MTDH: variants seen among roughly 807,000 people sequenced by gnomAD.
MTDH encodes the protein metadherin.
MTDH carries 34 observed loss-of-function variants against 72.7 expected under a neutral mutation model. The observed-to-expected ratio is 0.47, with a 90% confidence interval of 0.36 to 0.62. The LOEUF is 0.62. Among genes scored for constraint, MTDH ranks in the 20% least tolerant of loss-of-function variants. The pLI is 0.00. For missense variants in MTDH, 677 were observed against 699.4 expected, an observed-to-expected ratio of 0.97 and a Z score of 0.36; for synonymous variants, 266 against 268.9, an observed-to-expected ratio of 0.99 and a Z score of 0.10.
chr8:97,678,559 TTCTCTC>T (rs779930097), intron 2 of MTDH, among the ~76,000 whole-genome samples: 1 of 151,756 alleles, frequency 6.6e-6, no homozygotes, highest in Non-Finnish European at 1.5e-5. Context: ...TTCTCCCTCT[TTCTCTC>T]TCTGTTTCCT....
At chr8:97,657,121 A>G (rs1812009279) in intron 1 of MTDH, among the ~76,000 whole-genome samples, 1 of 152,200 alleles carries the variant, frequency 6.6e-6, no homozygotes, top group South Asian at 2.1e-4. Flanking sequence ...CCCTGCCAGC[A>G]CATACATACA....
At chr8:97,687,362 C>T in intron 3 of MTDH, 67 bp from the exon 4 acceptor site, 2 of 1,395,718 alleles carry the variant, frequency 1.4e-6, no homozygotes, top group Non-Finnish European at 1.9e-6. Flanking sequence ...CCCATATTCT[C>T]CCCCAAAACT....
intron 7 of MTDH, among the ~76,000 whole-genome samples, chr8:97,705,867 G>T (rs1258068577): frequency 2.6e-5 from 4 of 152,214 alleles, no homozygotes; most frequent in African/African-American, 9.6e-5. Context: ...TAAAGGCAAA[G>T]ACTGGTTTCT....
At chr8:97,678,451 T>G (rs182782851) in intron 2 of MTDH, among the ~76,000 whole-genome samples, 131 of 152,312 alleles carry the variant, frequency 8.6e-4, no homozygotes, top group African/African-American at 2.9e-3. Flanking sequence ...TCTTTTATGA[T>G]GCAAAGATTT....
At chr8:97,684,970 G>A (rs1332809067) in intron 2 of MTDH, among the ~76,000 whole-genome samples, 1 of 152,196 alleles carries the variant, frequency 6.6e-6, no homozygotes, top group Non-Finnish European at 1.5e-5. Context: ...GGAGGCTGAG[G>A]CCGGAGAATT....
At chr8:97,690,349 A>T (rs971375528) in intron 5 of MTDH, among the ~76,000 whole-genome samples, 2 of 152,136 alleles carry the variant, frequency 1.3e-5, no homozygotes, top group African/African-American at 4.8e-5. Context: ...CATGCCCATG[A>T]TTCTCAACCC....
At chr8:97,657,774 G>A (rs1275098233) in intron 1 of MTDH, among the ~76,000 whole-genome samples, 1 of 152,132 alleles carries the variant, frequency 6.6e-6, no homozygotes, top group Admixed American at 6.6e-5. Flanking sequence ...CTCCCAAAGT[G>A]CTGGAATTAC....
In MTDH at chr8:97,644,549, G is replaced by A; in HGVS notation, c.43G>A (p.Glu15Lys). The change falls in exon 1 of 12, where the codon GAG becomes AAG. Residue 15 changes from glutamate to lysine, a missense_variant. Physicochemically the swap from Glu to Lys is moderately conservative, Grantham distance 56 (BLOSUM62 1). Around this residue, in one of 3 missense-constraint regions of MTDH, gnomAD observed 467 missense variants for 469.1 expected, o/e 1.00. Transcript: ENST00000336273. ...SWQDELAQQA[E>K]EGSARLREML... Reference sequence around the variant, plus strand: ...GCAGGACGAGCTGGCCCAGCAGGCCGAGGAGGGCTCGGCCCGGCTGCGGGA... The same window carrying A: ...GCAGGACGAGCTGGCCCAGCAGGCCAAGGAGGGCTCGGCCCGGCTGCGGGA... 1 of 1,601,450 alleles carries A rather than the reference G, an allele frequency of 6.2e-7. No individual in the cohort carries two copies. Among genetic ancestry groups the A allele is most frequent in the South Asian group, 1.1e-5 (1 of 89,808 alleles).
chr8:97,692,025 A>G (rs888864742), intron 6 of MTDH, among the ~76,000 whole-genome samples: 1 of 152,052 alleles, frequency 6.6e-6, no homozygotes, highest in Non-Finnish European at 1.5e-5. Flanking sequence ...GATTATAGAC[A>G]TGGCATCACC....
At chr8:97,711,079 G>A (rs960834963) in intron 8 of MTDH, among the ~76,000 whole-genome samples, 5 of 152,104 alleles carry the variant, frequency 3.3e-5, no homozygotes, top group African/African-American at 1.2e-4. Flanking sequence ...TAACATAACA[G>A]TGCTAACTTG....
intron 2 of MTDH, among the ~76,000 whole-genome samples, chr8:97,670,081 G>A (rs1322892896): frequency 6.6e-6 from 1 of 152,118 alleles, no homozygotes. Flanking sequence ...TTAGGAGGCT[G>A]AGACATGTGG....
chr8:97,670,882 G>A (rs1433127973), intron 2 of MTDH, among the ~76,000 whole-genome samples: 4 of 151,296 alleles, frequency 2.6e-5, no homozygotes, highest in Admixed American at 6.6e-5. Context: ...TCAGCCCCCC[G>A]AGTAACTGGG....
intron 8 of MTDH, among the ~76,000 whole-genome samples, chr8:97,712,153 T>TC (rs1814664864): frequency 6.6e-6 from 1 of 152,224 alleles, no homozygotes; most frequent in East Asian, 1.9e-4. Flanking sequence ...TTCTCCCATC[T>TC]CAGCCTCCTG....
chr8:97,644,248 G>A lies in MTDH; in HGVS notation c.-259G>A, dbSNP rs1811463234. ...GGCGCTGGCGCCGAGACGCCGCTTAGCGGCCGCCACTGGAGACACTCCCTC... is the reference window on the plus strand; with the variant it reads ...GGCGCTGGCGCCGAGACGCCGCTTAACGGCCGCCACTGGAGACACTCCCTC... On this transcript the variant is annotated 5_prime_UTR_variant, in exon 1 of 12. Coordinates refer to ENST00000336273, the MANE Select transcript of MTDH (RefSeq NM_178812.4). The A allele has an allele frequency of 4.0e-6, 2 of 498,038 alleles. No homozygotes were observed. The highest frequency in any genetic ancestry group is 3.1e-5 in the South Asian group (1 of 32,744). The allele number at this position is 498,038 out of a possible 1,614,324, so 30.9% of individuals were successfully genotyped here.
chr8:97,672,702 A>G (rs1018232896), intron 2 of MTDH, among the ~76,000 whole-genome samples: 3 of 152,274 alleles, frequency 2.0e-5, no homozygotes, highest in South Asian at 2.1e-4. Context: ...TGAAATGGCA[A>G]ATTTGGTTTT....
At chr8:97,682,784 C>T (rs1016697275) in intron 2 of MTDH, among the ~76,000 whole-genome samples, 3 of 151,534 alleles carry the variant, frequency 2.0e-5, no homozygotes, top group Non-Finnish European at 2.9e-5. Context: ...ACTACTTTGT[C>T]GTTAACAGAC....
At chr8:97,667,884 T>C (rs953931296) in intron 2 of MTDH, among the ~76,000 whole-genome samples, 1 of 149,586 alleles carries the variant, frequency 6.7e-6, no homozygotes, top group African/African-American at 2.5e-5. Context: ...TCTGCTACCA[T>C]GAGCTTGACA....
chr8:97,670,053 G>A (rs1017141539), intron 2 of MTDH, among the ~76,000 whole-genome samples: 6 of 150,970 alleles, frequency 4.0e-5, no homozygotes, highest in African/African-American at 1.5e-4. Context: ...CGTGGCTCAC[G>A]CCTGTAGTCC....
At chr8:97,646,003 G>C (rs1199794830) in intron 1 of MTDH, among the ~76,000 whole-genome samples, 1 of 152,160 alleles carries the variant, frequency 6.6e-6, no homozygotes, top group African/African-American at 2.4e-5. Flanking sequence ...GTCAGTGTTG[G>C]AGAGTAGTGG....
Sources: gnomAD v4.1 joint callset for allele counts (sites outside exome capture counted in the v4.1 genomes callset) on GRCh38, gnomAD v4.1.1 for gene constraint, gnomAD v4.1.1 regional missense constraint, MANE v1.5 for transcripts, NCBI Gene and HGNC (gene_info 2026-07-23, HGNC 2026-07-21) for gene names.